GXYLT2: variants seen among roughly 807,000 people sequenced by gnomAD.
GXYLT2 encodes the protein glycosyltransferase 8 domain containing 4.
In GXYLT2, 53 loss-of-function variants were observed where a neutral mutation model predicts 45.8. The observed-to-expected ratio is 1.16, with a 90% CI of 0.93 to 1.46. The LOEUF is 1.46. Ranked by LOEUF, GXYLT2 falls within the 40% of genes most tolerant of loss-of-function variation. GXYLT2 has a pLI of 0.00. For synonymous variants in GXYLT2, 219 were observed against 214.2 expected (o/e 1.02, Z -0.19); for missense variants, 551 against 544.4 (o/e 1.01, Z -0.12).
chr3:72,898,129 A>G (rs1709329769), intron 1 of GXYLT2, among the ~76,000 whole-genome samples: 2 of 152,236 alleles, frequency 1.3e-5, no homozygotes, highest in Admixed American at 1.3e-4. Flanking sequence ...TCTATGATAT[A>G]TGCACTACTT....
At chr3:72,917,947 C>G (rs917148688) in intron 2 of GXYLT2, among the ~76,000 whole-genome samples, 3 of 152,050 alleles carry the variant, frequency 2.0e-5, no homozygotes, top group African/African-American at 7.2e-5. Flanking sequence ...AATGGGATCT[C>G]TTTTATATCA....
chr3:72,889,896 G>GTT (rs369830925), intron 1 of GXYLT2, among the ~76,000 whole-genome samples: 1,835 of 135,476 alleles, frequency 0.014, 40 homozygotes, highest in South Asian at 0.052. Context: ...TTTTCTTTTG[G>GTT]TTTTTTTTTT....
chr3:72,929,431 A>G, intron 3 of GXYLT2: 23 of 1,412,838 alleles, frequency 1.6e-5, no homozygotes, highest in Non-Finnish European at 2.2e-5. Context: ...AATGACCCCC[A>G]TTTGTGTGAC....
At chr3:72,948,900 G>A (rs1710462245) in intron 3 of GXYLT2, among the ~76,000 whole-genome samples, 1 of 151,596 alleles carries the variant, frequency 6.6e-6, no homozygotes, top group African/African-American at 2.4e-5. Context: ...GGGGGCAAGT[G>A]CAGACACAGG....
chr3:72,933,333 A>G (rs1268927037), intron 3 of GXYLT2, among the ~76,000 whole-genome samples: 4 of 152,230 alleles, frequency 2.6e-5, no homozygotes. Flanking sequence ...TGACTCCAGC[A>G]TAATTAGCAT....
intron 1 of GXYLT2, among the ~76,000 whole-genome samples, chr3:72,889,560 A>G (rs902094492): frequency 6.6e-6 from 1 of 152,150 alleles, no homozygotes; most frequent in African/African-American, 2.4e-5. Flanking sequence ...AACCCCAACA[A>G]TCTGTCGCTT....
intron 4 of GXYLT2, among the ~76,000 whole-genome samples, chr3:72,956,209 T>A (rs1710645061): frequency 6.6e-6 from 1 of 151,862 alleles, no homozygotes; most frequent in Admixed American, 6.6e-5. Context: ...CCACTGCACT[T>A]CACCCTAAAC....
At chr3:72,933,045 G>T (rs532109100) in intron 3 of GXYLT2, among the ~76,000 whole-genome samples, 1 of 152,250 alleles carries the variant, frequency 6.6e-6, no homozygotes, top group East Asian at 1.9e-4. Flanking sequence ...ATTCAAATTA[G>T]TGAATACATT....
rs186712396 is a variant in GXYLT2 at position 72,951,560 on chromosome 3, G to A, written c.601-3538G>A. Among the ~76,000 whole-genome samples, 56 of 152,188 alleles carry A rather than the reference G, an allele frequency of 3.7e-4. No homozygotes were observed. The East Asian group carries it at 8.5e-3, about 23-fold the overall frequency. ...AACTGAGGAACTTGTCTGAAGTCAC[G>A]AGGGTATTACCTCAGGCTGCCAAGA... is the stretch of plus-strand genomic sequence containing the variant. On this transcript the variant is annotated intron_variant, in intron 3 of 6. Transcript: ENST00000389617.
intron 2 of GXYLT2, among the ~76,000 whole-genome samples, chr3:72,920,602 C>G (rs563594864): frequency 1.1e-3 from 170 of 151,960 alleles, no homozygotes; most frequent in Non-Finnish European, 1.1e-3. Context: ...GCTCTAAAAT[C>G]TAAAAGTGTA....
intron 3 of GXYLT2, among the ~76,000 whole-genome samples, chr3:72,950,289 C>T (rs1397012598): frequency 2.0e-5 from 3 of 151,920 alleles, no homozygotes; most frequent in African/African-American, 7.3e-5. Flanking sequence ...GGTGAAACCT[C>T]GTCTCTAATA....
At chr3:72,961,780 C>T (rs1710775679) in intron 5 of GXYLT2, among the ~76,000 whole-genome samples, 1 of 152,074 alleles carries the variant, frequency 6.6e-6, no homozygotes, top group African/African-American at 2.4e-5. Flanking sequence ...AGGCATTTTC[C>T]TCTCTCAAAC....
intron 2 of GXYLT2, among the ~76,000 whole-genome samples, chr3:72,914,520 C>CAT (rs200706674): frequency 6.8e-6 from 1 of 145,998 alleles, no homozygotes. Context: ...TATATATTTA[C>CAT]ATATATATGT....
At chr3:72,955,014 C>A in intron 3 of GXYLT2, 84 bp from the exon 4 acceptor site, 1 of 1,408,852 alleles carries the variant, frequency 7.1e-7, no homozygotes, top group Non-Finnish European at 9.7e-7. Context: ...ATTTACCTAT[C>A]AGGCTACTTC....
chr3:72,918,763 G>T lies in GXYLT2; in HGVS notation c.469-3441G>T, dbSNP rs533699953. Among the ~76,000 whole-genome samples the T allele has an allele frequency of 7.9e-5, 12 of 152,242 alleles. 2 individuals are homozygous for T. The South Asian group carries it at 2.3e-3, about 29-fold the overall frequency. On this transcript the variant is annotated intron_variant, in intron 2 of 6. Transcript: ENST00000389617. ...GAATTGCTTGAACCCGGGAGGCAGA[G>T]AGTGCAGTGAGCTGAGATCATGCCA...
intron 1 of GXYLT2, among the ~76,000 whole-genome samples, chr3:72,903,007 G>A (rs191785469): frequency 2.3e-3 from 353 of 152,188 alleles, no homozygotes; most frequent in Middle Eastern, 0.014. Context: ...GTGAGACTCC[G>A]TCTCAAAAAA....
At chr3:72,933,062 C>T (rs920020995) in intron 3 of GXYLT2, among the ~76,000 whole-genome samples, 2 of 152,000 alleles carry the variant, frequency 1.3e-5, no homozygotes, top group African/African-American at 2.4e-5. Context: ...CATTTAACAC[C>T]CTTGGAAACA....
intron 1 of GXYLT2, among the ~76,000 whole-genome samples, chr3:72,893,632 C>CA (rs1709225660): frequency 6.6e-6 from 1 of 152,160 alleles, no homozygotes; most frequent in Non-Finnish European, 1.5e-5. Context: ...TCAATAAATA[C>CA]TTGTTGAATG....
intron 3 of GXYLT2, among the ~76,000 whole-genome samples, chr3:72,945,121 A>AC (rs1710378784): frequency 2.5e-5 from 2 of 79,164 alleles, no homozygotes; most frequent in Middle Eastern, 5.2e-3. Flanking sequence ...TACTAAAACT[A>AC]CAAAAAAAAA....
Sources: allele counts gnomAD v4.1 joint callset (sites outside exome capture counted in the v4.1 genomes callset), GRCh38; gene constraint gnomAD v4.1.1; transcripts MANE v1.5; gene names NCBI Gene and HGNC (gene_info 2026-07-23, HGNC 2026-07-21).